SERPINA11: variants seen among roughly 807,000 people sequenced by gnomAD.
SERPINA11 encodes the protein serpin family A member 11.
Under a neutral mutation model 29.4 loss-of-function variants are expected in SERPINA11, and 28 were observed. The observed-to-expected ratio is 0.95, with a 90% confidence interval of 0.70 to 1.30. SERPINA11 has a LOEUF of 1.30. Among genes scored for constraint, SERPINA11 ranks in the 50% most tolerant of loss-of-function variants. The probability of loss-of-function intolerance (pLI) is 0.00; values close to 1 mark genes in which losing one functional copy is unlikely to be tolerated. For synonymous variants in SERPINA11, 253 were observed against 206.6 expected, an observed-to-expected ratio of 1.22 and a Z score of -1.92; for missense variants, 530 against 507.3, an observed-to-expected ratio of 1.04 and a Z score of -0.43.
chr14:94,443,247 G>T, intron 3 of SERPINA11, 22 bp from the exon 4 acceptor site: 1 of 1,605,972 alleles, frequency 6.2e-7, no homozygotes. Context: ...AACAGACAGA[G>T]AAATGGTGCT....
At chr14:94,449,458 T>A (rs1898534271) in intron 1 of SERPINA11, among the ~76,000 whole-genome samples, 1 of 118,010 alleles carries the variant, frequency 8.5e-6, no homozygotes, top group African/African-American at 4.7e-5. Context: ...TCTTTCTTTC[T>A]TTCTTTCTTT....
At chr14:94,449,459 T>TTCTG (rs1566784697) in intron 1 of SERPINA11, among the ~76,000 whole-genome samples, 4 of 97,280 alleles carry the variant, frequency 4.1e-5, no homozygotes, top group African/African-American at 2.1e-4. Context: ...CTTTCTTTCT[T>TTCTG]TCTTTCTTTC....
chr14:94,449,499 T>TTG (rs1349666220), intron 1 of SERPINA11, among the ~76,000 whole-genome samples: 13 of 103,556 alleles, frequency 1.3e-4, no homozygotes, highest in Non-Finnish European at 2.3e-4. Context: ...CTGTCTTTCT[T>TTG]TCTCTTTCTT....
At chr14:94,451,420 A>C (rs1157074682) in intron 1 of SERPINA11, among the ~76,000 whole-genome samples, 1 of 152,206 alleles carries the variant, frequency 6.6e-6, no homozygotes, top group Non-Finnish European at 1.5e-5. Flanking sequence ...CAGCTTCCAT[A>C]CACTTCAGAT....
intron 4 of SERPINA11, 42 bp from the exon 5 acceptor site, chr14:94,442,851 C>T (rs756991062): frequency 3.2e-5 from 48 of 1,503,690 alleles, no homozygotes; most frequent in Non-Finnish European, 3.6e-5. Flanking sequence ...AGTTTGGGGG[C>T]CTTCAAGGGG....
chr14:94,449,817 G>GAGCAA (rs1373152629), intron 1 of SERPINA11, among the ~76,000 whole-genome samples: 1 of 152,084 alleles, frequency 6.6e-6, no homozygotes, highest in Admixed American at 6.6e-5. Context: ...AACATGCTTG[G>GAGCAA]AGCAAATGTC....
chr14:94,444,908 G>A (rs1282867805), intron 3 of SERPINA11, among the ~76,000 whole-genome samples: 3 of 152,184 alleles, frequency 2.0e-5, no homozygotes, highest in Non-Finnish European at 4.4e-5. Context: ...CATTGGCTCT[G>A]CCACCAATAC....
intron 1 of SERPINA11, among the ~76,000 whole-genome samples, chr14:94,450,345 A>G (rs1484497323): frequency 6.6e-6 from 1 of 152,196 alleles, no homozygotes; most frequent in Non-Finnish European, 1.5e-5. Flanking sequence ...GCAGGCTCCT[A>G]ATCCAATATG....
intron 3 of SERPINA11, among the ~76,000 whole-genome samples, chr14:94,446,112 A>G (rs571799719): frequency 2.6e-5 from 4 of 152,298 alleles, no homozygotes; most frequent in African/African-American, 7.2e-5. Context: ...TAGAAACTCA[A>G]TGAATCTACT....
At chr14:94,445,605 G>A (rs1479173987) in intron 3 of SERPINA11, among the ~76,000 whole-genome samples, 3 of 152,122 alleles carry the variant, frequency 2.0e-5, no homozygotes, top group Non-Finnish European at 4.4e-5. Flanking sequence ...ATCTAGCTTT[G>A]TTGCCCAGAC....
intron 1 of SERPINA11, among the ~76,000 whole-genome samples, chr14:94,449,492 TCTTTCTTTC>T (rs1898543648): frequency 2.5e-5 from 3 of 118,584 alleles, no homozygotes; most frequent in Non-Finnish European, 3.3e-5. Flanking sequence ...TGTCTGTCTG[TCTTTCTTTC>T]TCTTTCTTTT....
chr14:94,444,432 G>A (rs1317908685), intron 3 of SERPINA11, among the ~76,000 whole-genome samples: 1 of 152,070 alleles, frequency 6.6e-6, no homozygotes, highest in Non-Finnish European at 1.5e-5. Context: ...GAGTAACTTG[G>A]GTCAGTTTTG....
intron 2 of SERPINA11, 22 bp from the exon 3 acceptor site, chr14:94,446,626 G>T (rs1373014541): frequency 2.5e-6 from 4 of 1,598,722 alleles, no homozygotes; most frequent in Non-Finnish European, 3.4e-6. Context: ...AAACCCATAA[G>T]GCCATGAGAA....
intron 1 of SERPINA11, among the ~76,000 whole-genome samples, chr14:94,452,507 C>A (rs1336369715): frequency 6.6e-6 from 1 of 151,796 alleles, no homozygotes; most frequent in Non-Finnish European, 1.5e-5. Flanking sequence ...GATTGAAAAC[C>A]TGAAGTCTCT....
rs200680940 is a variant in SERPINA11, at chr14:94,448,281, G to A, written c.494C>T (p.Ala165Val). The change falls in exon 2 of 5, where the codon GCT (alanine) becomes GTT (valine). Residue 165 changes from alanine (A) to valine (V), a missense_variant. Physicochemically the swap from Ala to Val is moderately conservative, Grantham distance 64. Coordinates refer to ENST00000334708, the MANE Select transcript of SERPINA11 (RefSeq NM_001080451.2). ...AGAATCTGTGAAGTTGGCAGAAAAA[G>A]CAAAAGCTCCATAAAGCTCCTTGAT... is the stretch of plus-strand genomic sequence containing the variant. ...DSIKELYGAF[A>V]FSANFTDSVT... is the part of the protein sequence containing the mutation. 8 of 1,614,256 alleles carry A rather than the reference G, an allele frequency of 5.0e-6. No individual in the cohort carries two copies. Among genetic ancestry groups the A allele is most frequent in the Non-Finnish European group, 6.8e-6 (8 of 1,180,050 alleles).
chr14:94,446,486 G>A lies in SERPINA11; in HGVS notation c.762C>T (p.Leu254=), dbSNP rs187815829. The change falls in exon 3 of 5, where the codon CTC becomes CTT. Residue 254 remains leucine (L), a synonymous_variant. Transcript: ENST00000334708. ...CGGTGCAAGCCAAATCCTGGTCATA[G>A]AGGAATCTGTGCATTTCCTTTTGGT... ...MMHQKEMHRF[L]YDQDLACTVL... 3 of 1,614,204 alleles carry A rather than the reference G, an allele frequency of 1.9e-6. No individual in the cohort carries two copies. Among genetic ancestry groups the A allele is most frequent in the African/African-American group, 1.3e-5 (1 of 75,052 alleles).
Position 94,446,489 on chromosome 14 carries a change from GA to G in SERPINA11, c.758del (p.Phe253SerfsTer14). 3 of 1,614,184 alleles carry G rather than the reference GA, an allele frequency of 1.9e-6. No individual in the cohort carries two copies. The highest frequency in any genetic ancestry group is 2.5e-6 in the Non-Finnish European group (3 of 1,180,034). The stretch of plus-strand genomic sequence containing the variant: ...TGCAAGCCAAATCCTGGTCATAGAG[GA>G]ATCTGTGCATTTCCTTTTGGTGCAT... ...PMMHQKEMHR[F>X]LYDQDLACTV... On this transcript the variant is annotated frameshift_variant, in exon 3 of 5. Coordinates refer to ENST00000334708, the MANE Select transcript of SERPINA11 (RefSeq NM_001080451.2). LOFTEE classifies it high-confidence loss of function.
intron 1 of SERPINA11, 141 bp from the exon 2 acceptor site, chr14:94,448,918 G>A: frequency 1.4e-6 from 1 of 691,500 alleles, no homozygotes; most frequent in Non-Finnish European, 2.2e-6. Context: ...GGCTGTGGAT[G>A]ATTAGGATTC....
intron 1 of SERPINA11, among the ~76,000 whole-genome samples, chr14:94,449,405 TA>T (rs5810680): frequency 0.52 from 26,892 of 51,990 alleles, 5,548 homozygotes; most frequent in African/African-American, 0.61. Context: ...TCTTTCTTTC[TA>T]TTCTTTCTTT....
Sources: gnomAD v4.1 joint callset for allele counts (sites outside exome capture counted in the v4.1 genomes callset) on GRCh38, gnomAD v4.1.1 for gene constraint, MANE v1.5 for transcripts, NCBI Gene and HGNC (gene_info 2026-07-23, HGNC 2026-07-21) for gene names.